EHBP1L1: variants seen among roughly 807,000 people sequenced by gnomAD.
The protein encoded by EHBP1L1 is EH domain-binding protein 1-like protein 1.
In EHBP1L1, 122 loss-of-function variants were observed where a neutral mutation model predicts 151.1. The ratio of observed to expected loss-of-function variants is 0.81; its 90% confidence interval spans 0.70 to 0.94. The LOEUF (loss-of-function observed/expected upper bound fraction) is 0.94. EHBP1L1 is among the 40% of genes least tolerant of loss of function. The pLI, the probability that EHBP1L1 is intolerant of heterozygous loss-of-function variation, is 0.00. For synonymous variants in EHBP1L1, 878 were observed against 810.1 expected, an observed-to-expected ratio of 1.08 and a Z score of -1.42; for missense variants, 1,941 against 1,959.8, an observed-to-expected ratio of 0.99 and a Z score of 0.18.
chr11:65,585,779 G>A lies in EHBP1L1; in HGVS notation c.3933+188G>A, dbSNP rs1031420012. On this transcript the variant is annotated intron_variant, in intron 12 of 18. Transcript: ENST00000309295. The surrounding 1 kb of genome is among the most constrained non-coding windows in gnomAD (Gnocchi z 4.0). ...TCAGAGGGACCCTGGTGCTGTGGAAGAGTCCTCTGGTGTGGTAGTGAGCTC... is the reference window on the plus strand; with the variant it reads ...TCAGAGGGACCCTGGTGCTGTGGAAAAGTCCTCTGGTGTGGTAGTGAGCTC... 6.6e-6 allele frequency among the ~76,000 whole-genome samples: 1 copy of A among 152,208 alleles called. No homozygotes were observed. The highest frequency in any genetic ancestry group is 6.5e-5 in the Admixed American group (1 of 15,284).
Position 65,585,023 on chromosome 11 carries a change from T to C in EHBP1L1, c.3365T>C (p.Leu1122Pro). ...CTGGAGCCCGCGGACATGGTGCTAC[T>C]GTCGGTGCCCGACAAGCTCATCGTC... ...RLLEPADMVL[L>P]SVPDKLIVMT... Residue 1122 changes from leucine (L) to proline (P), a missense_variant, in exon 12 of 19, where the codon CTG (leucine) becomes CCG (proline). Transcript: ENST00000309295. This position sits in a 1 kb window ranked among gnomAD's most constrained non-coding sequence, Gnocchi z 4.0. 1.3e-6 allele frequency: 2 copies of C among 1,536,548 alleles called. No individual in the cohort carries two copies. Among genetic ancestry groups the C allele is most frequent in the Non-Finnish European group, 8.7e-7 (1 of 1,147,452 alleles).
In EHBP1L1 at chr11:65,590,153, CAGAT is replaced by C; in HGVS notation, c.4131_4134del (p.Ile1377MetfsTer11). ...GCAGGCCCTGGAACAGGAGCAGAGG[CAGAT>C]AGATGGGCGGGCGGCTGAGGTGGAG... On this transcript the variant is annotated frameshift_variant, in exon 15 of 19. Transcript: ENST00000309295. LOFTEE classifies it high-confidence loss of function. The C allele has an allele frequency of 6.2e-7, 1 of 1,613,832 alleles. No homozygotes were observed. The highest frequency in any genetic ancestry group is 8.5e-7 in the Non-Finnish European group (1 of 1,179,820).
chr11:65,577,963 C>T (rs563606661), intron 1 of EHBP1L1, among the ~76,000 whole-genome samples: 31 of 152,192 alleles, frequency 2.0e-4, no homozygotes, highest in Non-Finnish European at 4.3e-4. Context: ...GGCCAGTTCG[C>T]GTGCTGCCCT....
intron 5 of EHBP1L1, 22 bp downstream of exon 5, chr11:65,580,281 T>C: frequency 6.2e-7 from 1 of 1,613,234 alleles, no homozygotes; most frequent in Non-Finnish European, 8.5e-7. Context: ...CCTGCCCTCC[T>C]TGATCCTGGC....
intron 12 of EHBP1L1, among the ~76,000 whole-genome samples, chr11:65,587,366 C>T (rs909020521): frequency 2.0e-5 from 3 of 147,640 alleles, no homozygotes; most frequent in Admixed American, 6.7e-5. Context: ...AGCAAGACTC[C>T]GTCTCAAAAA....
chr11:65,579,938 C>T lies in EHBP1L1; in HGVS notation c.261C>T (p.Asp87=), dbSNP rs754651986. The change falls in exon 4 of 19, where the codon GAC becomes GAT. Residue 87 remains aspartate (D), a splice_region_variant and synonymous_variant. Transcript: ENST00000309295. ...NVDISVTLYR[D]PHVDQYEAKE... ...CTCACCAGCACCCTTCTTCCCAGGA[C>T]CCCCACGTGGACCAGTATGAGGCCA... 6.2e-7 allele frequency: 1 copy of T among 1,613,728 alleles called. No homozygotes were observed. The highest frequency in any genetic ancestry group is 2.2e-5 in the East Asian group (1 of 44,886).
In EHBP1L1 at chr11:65,580,458, C is replaced by T. The variant is rs771461354; in HGVS notation, c.613C>T (p.Arg205Trp). 3.2e-5 allele frequency: 52 copies of T among 1,612,736 alleles called. No homozygotes were observed. In the Middle Eastern group the frequency reaches 6.7e-4, roughly 21 times the overall value. Residue 205 changes from arginine to tryptophan, a missense_variant, in exon 6 of 19, where the codon CGG becomes TGG. Arg to Trp is a moderately radical substitution (Grantham distance 101). Transcript: ENST00000309295. ...TCATGGCCCAGGAGCCCCGGAGGCCCGGGCTCGAGTCCCCCAGCCAGGTGG... is the reference window on the plus strand; with the variant it reads ...TCATGGCCCAGGAGCCCCGGAGGCCTGGGCTCGAGTCCCCCAGCCAGGTGG... ...EAHGPGAPEA[R>W]ARVPQPDPSR...
chr11:65,590,699 C>T (rs1384001612), intron 16 of EHBP1L1, 107 bp downstream of exon 16: 62 of 992,274 alleles, frequency 6.2e-5, no homozygotes, highest in Non-Finnish European at 9.3e-5. Context: ...CAAACGATTC[C>T]TCTTCCATCT....
Position 65,592,026 on chromosome 11 carries a change from G to T in EHBP1L1, c.4408G>T (p.Glu1470Ter). 1 of 1,613,474 alleles carries T rather than the reference G, an allele frequency of 6.2e-7. No homozygotes were observed. Among genetic ancestry groups the T allele is most frequent in the East Asian group, 2.2e-5 (1 of 44,874 alleles). The stretch of plus-strand genomic sequence containing the variant: ...GCACCGAGAGCAGCTCCTACTGGAG[G>T]AGCTGGTGTCGCTGGTGAACCAGCG... ...QQHREQLLLEELVSLVNQRDE... is the reference protein window; with the variant it reads ...QQHREQLLLE The change falls in exon 18 of 19, where the codon GAG (glutamate) becomes TAG (stop). Residue 1470 changes from glutamate (E) to a stop codon, truncating the protein, a stop_gained. Coordinates refer to ENST00000309295, the MANE Select transcript of EHBP1L1 (RefSeq NM_001099409.3). LOFTEE classifies it high-confidence loss of function.
intron 12 of EHBP1L1, among the ~76,000 whole-genome samples, chr11:65,588,300 G>C (rs985916506): frequency 9.9e-5 from 15 of 152,156 alleles, no homozygotes; most frequent in African/African-American, 3.6e-4. Flanking sequence ...ACTGAAAGTC[G>C]GCCACTGTGG....
Position 65,584,324 on chromosome 11 carries a change from C to T in EHBP1L1, c.3177C>T (p.Ile1059=). 6.2e-7 allele frequency: 1 copy of T among 1,611,184 alleles called. No individual in the cohort carries two copies. Among genetic ancestry groups the T allele is most frequent in the Middle Eastern group, 1.7e-4 (1 of 6,032 alleles). ...EVTTGYRGVR[I]TNFTTSWRNG... ...CCACTGGCTACCGTGGCGTCCGCAT[C>T]ACCAACTTCACCACATCCTGGCGCA... Residue 1059 remains isoleucine (I), a synonymous_variant, in exon 10 of 19, where the codon ATC becomes ATT. Coordinates refer to ENST00000309295, the MANE Select transcript of EHBP1L1 (RefSeq NM_001099409.3).
intron 12 of EHBP1L1, among the ~76,000 whole-genome samples, chr11:65,589,457 G>A (rs1046313502): frequency 1.3e-5 from 2 of 152,252 alleles, no homozygotes; most frequent in African/African-American, 4.8e-5. Flanking sequence ...CTGTGAGGCC[G>A]GAGCTCAGCC....
rs919604298 is a variant in EHBP1L1, at chr11:65,590,499, A to T, written c.4190A>T (p.Asn1397Ile). The T allele has an allele frequency of 6.2e-7, 1 of 1,613,202 alleles. No individual in the cohort carries two copies. The highest frequency in any genetic ancestry group is 8.5e-7 in the Non-Finnish European group (1 of 1,179,780). ...CTGTCCCTGTCCAATGCAGGTGCCA[A>T]CAAGCTGCAGGAGGAGGTGCTGATC... is the stretch of plus-strand genomic sequence containing the variant. Reference protein sequence around the residue: ...QLRSLMESGANKLQEEVLIQE... With the variant: ...QLRSLMESGAIKLQEEVLIQE... Residue 1397 changes from asparagine (N) to isoleucine (I), a missense_variant, in exon 16 of 19, where the codon AAC (asparagine) becomes ATC (isoleucine). Asn to Ile is a moderately radical substitution (Grantham distance 149). Transcript: ENST00000309295.
At position 65,585,352 on chromosome 11, in the gene EHBP1L1, G is replaced by GC; in HGVS notation, c.3695dup (p.Glu1233GlyfsTer85). 9.1e-7 allele frequency: 1 copy of GC among 1,096,918 alleles called. No homozygotes were observed. The highest frequency in any genetic ancestry group is 1.1e-6 in the Non-Finnish European group (1 of 905,190). 67.9% of individuals were successfully genotyped at this position (1,096,918 alleles called of 1,614,324 possible). A position where few individuals can be genotyped will look rare whatever the true frequency, so the allele number is the denominator to read the frequency against. ...CGAGGCCCCCCGAGAGTCGCGACCC[G>GC]CGGAGGTCCCGGCCGAGGGGCTGGT... On this transcript the variant is annotated frameshift_variant, in exon 12 of 19. Transcript: ENST00000309295. LOFTEE classifies it high-confidence loss of function. This position sits in a 1 kb window ranked among gnomAD's most constrained non-coding sequence, Gnocchi z 4.0.
intron 6 of EHBP1L1, 112 bp downstream of exon 6, chr11:65,580,591 C>A: frequency 7.1e-7 from 1 of 1,406,514 alleles, no homozygotes; most frequent in South Asian, 1.4e-5. Flanking sequence ...CATTACTGCC[C>A]AGGCAGTCCC....
rs543818613 is a variant in EHBP1L1 at position 65,576,322 on chromosome 11, G to C, written c.20G>C (p.Arg7Pro). ...GGGGCCATGACCTCGGTGTGGAAGC[G>C]CCTGCAGCGCGTGGGCAAGCGGGCG... MTSVWK[R>P]LQRVGKRAAK... is the part of the protein sequence containing the mutation. The change falls in exon 1 of 19, where the codon CGC (arginine) becomes CCC (proline). Residue 7 changes from arginine to proline, a missense_variant. Transcript: ENST00000309295. 2 of 1,596,122 alleles carry C rather than the reference G, an allele frequency of 1.3e-6. No homozygotes were observed. The highest frequency in any genetic ancestry group is 1.7e-6 in the Non-Finnish European group (2 of 1,172,328).
rs199502631 is a variant in EHBP1L1, at chr11:65,584,547, G to T, written c.3300+13G>T. 7.5e-6 allele frequency: 12 copies of T among 1,609,476 alleles called. No individual in the cohort carries two copies. The East Asian group carries it at 2.5e-4, about 33-fold the overall frequency. On this transcript the variant is annotated intron_variant, in intron 11 of 18. Coordinates refer to ENST00000309295, the MANE Select transcript of EHBP1L1 (RefSeq NM_001099409.3). ...GAACAACAAGCAGGTGAGATGGGGTGGGGGACTGCCTGGAGGGAAGGAGGG... is the reference window on the plus strand; with the variant it reads ...GAACAACAAGCAGGTGAGATGGGGTTGGGGACTGCCTGGAGGGAAGGAGGG...
chr11:65,588,587 C>T (rs1434476884), intron 12 of EHBP1L1, among the ~76,000 whole-genome samples: 1 of 152,184 alleles, frequency 6.6e-6, no homozygotes, highest in African/African-American at 2.4e-5. Context: ...TGGGAGTGGA[C>T]ACGGGCAGGT....
At chr11:65,591,903 AAGACAG>A in intron 17 of EHBP1L1, 30 bp downstream of exon 17, 11 of 1,606,690 alleles carry the variant, frequency 6.8e-6, no homozygotes, top group Non-Finnish European at 8.5e-6. Flanking sequence ...GCCGGGAGGC[AAGACAG>A]AGCCAGGGTG....
Sources: gnomAD v4.1 joint callset for allele counts (sites outside exome capture counted in the v4.1 genomes callset) on GRCh38, gnomAD v4.1.1 for gene constraint, Gnocchi (gnomAD v3.1) non-coding constraint, MANE v1.5 for transcripts, NCBI Gene and HGNC (gene_info 2026-07-23, HGNC 2026-07-21) for gene names.